LAMA1: variants seen among roughly 807,000 people sequenced by gnomAD.
LAMA1 encodes the protein laminin subunit alpha 1, also known as laminin subunit alpha-1.
LAMA1 carries 219 observed loss-of-function variants against 348.7 expected under a neutral mutation model. The ratio of observed to expected loss-of-function variants is 0.63; its 90% CI spans 0.56 to 0.70. The LOEUF is 0.70. Among genes scored for constraint, LAMA1 ranks in the 30% least tolerant of loss-of-function variants. The probability of loss-of-function intolerance (pLI) is 0.00; values close to 1 mark genes in which losing one functional copy is unlikely to be tolerated. For synonymous variants in LAMA1, 1,487 were observed against 1,491.0 expected (o/e 1.00, Z 0.06); for missense variants, 3,744 against 3,888.0 (o/e 0.96, Z 0.99).
chr18:7,069,317 C>T (rs1598304664), intron 3 of LAMA1, among the ~76,000 whole-genome samples: 1 of 152,194 alleles, frequency 6.6e-6, no homozygotes, highest in Non-Finnish European at 1.5e-5. Flanking sequence ...ATGTGCATTC[C>T]TGTTTGGTTC....
At position 6,978,397 on chromosome 18, in the gene LAMA1, A is replaced by G; in HGVS notation, c.6008-19T>C. The G allele has an allele frequency of 1.2e-6, 2 of 1,608,470 alleles. No individual in the cohort carries two copies. ...CTTATACCTAAAATAAATGTATATA[A>G]AAGCATGCACTTCTGGTGCTTACAC... On this transcript the variant is annotated intron_variant, in intron 42 of 62. Transcript: ENST00000389658.
intron 56 of LAMA1, chr18:6,956,064 C>T: frequency 3.4e-6 from 1 of 296,666 alleles, no homozygotes; most frequent in Non-Finnish European, 6.5e-6. Flanking sequence ...GCAGATGCTA[C>T]CATGAAAACT....
chr18:6,965,086 A>G (rs1258689559), intron 50 of LAMA1, among the ~76,000 whole-genome samples: 1 of 152,210 alleles, frequency 6.6e-6, no homozygotes, highest in Non-Finnish European at 1.5e-5. Flanking sequence ...CACACTTGGA[A>G]ATCACAGGCA....
At chr18:7,108,640 C>CAAAAAAAAAAAAAAAAAAAAAAAAAAAA in intron 1 of LAMA1, among the ~76,000 whole-genome samples, 1 of 40,222 alleles carries the variant, frequency 2.5e-5, no homozygotes, top group Non-Finnish European at 4.2e-5. Flanking sequence ...GACTCTGTCT[C>CAAAAAAAAAAAAAAAAAAAAAAAAAAAA]AAAAAAAAAA....
intron 16 of LAMA1, among the ~76,000 whole-genome samples, chr18:7,029,975 TAG>T (rs1555656064): frequency 7.0e-6 from 1 of 143,244 alleles, no homozygotes; most frequent in Non-Finnish European, 1.5e-5. Context: ...TACAATATAT[TAG>T]AAAAAAAAAA....
At chr18:7,009,525 G>T (rs1036135293) in intron 26 of LAMA1, among the ~76,000 whole-genome samples, 159 bp from the exon 27 acceptor site, 4 of 152,066 alleles carry the variant, frequency 2.6e-5, no homozygotes, top group Admixed American at 2.0e-4. Flanking sequence ...AAACCTCCAT[G>T]GACAGGCGCA....
intron 23 of LAMA1, among the ~76,000 whole-genome samples, chr18:7,013,225 G>A (rs1330241519): frequency 6.6e-6 from 1 of 151,996 alleles, no homozygotes; most frequent in East Asian, 1.9e-4. Context: ...GCCATGATAT[G>A]TACATGAGTT....
intron 1 of LAMA1, among the ~76,000 whole-genome samples, chr18:7,101,917 G>C (rs956401306): frequency 9.2e-5 from 14 of 151,568 alleles, no homozygotes; most frequent in African/African-American, 3.4e-4. Context: ...GGGCTTAAGG[G>C]ATCTTCCTGC....
rs564346367 is a variant in LAMA1 at position 7,060,888 on chromosome 18, G to T, written c.346-9952C>A. Among the ~76,000 whole-genome samples, 165 of 152,266 alleles carry T rather than the reference G, an allele frequency of 1.1e-3. 4 individuals carry two copies. In the South Asian group the frequency reaches 0.033, roughly 30 times the overall value. On this transcript the variant is annotated intron_variant, in intron 3 of 62. Transcript: ENST00000389658. ...AAAAGTGTGCAGGCTGGGGGTGGTG[G>T]CTCATGCCTGTAATCCCAGCACTTT...
intron 60 of LAMA1, 31 bp downstream of exon 60, chr18:6,948,372 G>C (rs1371542169): frequency 6.2e-7 from 1 of 1,613,980 alleles, no homozygotes; most frequent in African/African-American, 1.3e-5. Context: ...CTCATTCGGG[G>C]ACTGCCTTCG....
At chr18:6,980,716 AC>A in intron 41 of LAMA1, 79 bp from the exon 42 acceptor site, 2 of 782,396 alleles carry the variant, frequency 2.6e-6, no homozygotes, top group Non-Finnish European at 4.5e-6. Context: ...ATCATTCTTG[AC>A]CATCGACAGA....
chr18:6,964,875 C>T, intron 50 of LAMA1, 72 bp from the exon 51 acceptor site: 1 of 1,546,510 alleles, frequency 6.5e-7, no homozygotes, highest in South Asian at 1.1e-5. Context: ...ATGCAAACTT[C>T]TGGCAACAAA....
At chr18:7,093,938 G>A (rs1598316291) in intron 1 of LAMA1, among the ~76,000 whole-genome samples, 1 of 151,876 alleles carries the variant, frequency 6.6e-6, no homozygotes, top group East Asian at 2.0e-4. Context: ...ACCATGCCCG[G>A]CTAATTTTTT....
chr18:7,016,739 A>G, intron 20 of LAMA1, 68 bp from the exon 21 acceptor site: 1 of 1,360,176 alleles, frequency 7.4e-7, no homozygotes, highest in Non-Finnish European at 1.0e-6. Context: ...TCATATTAGT[A>G]TGTTCCAGAA....
At chr18:7,022,555 G>A (rs1193991226) in intron 19 of LAMA1, among the ~76,000 whole-genome samples, 1 of 152,144 alleles carries the variant, frequency 6.6e-6, no homozygotes, top group Non-Finnish European at 1.5e-5. Context: ...ATTTATAATT[G>A]CCACTTTTGT....
At chr18:7,004,578 C>T (rs2057823760) in intron 29 of LAMA1, among the ~76,000 whole-genome samples, 1 of 152,122 alleles carries the variant, frequency 6.6e-6, no homozygotes, top group African/African-American at 2.4e-5. Flanking sequence ...TCTCAAACTC[C>T]CAGCCCCAGG....
At chr18:7,107,069 C>T (rs2058314848) in intron 1 of LAMA1, among the ~76,000 whole-genome samples, 1 of 151,960 alleles carries the variant, frequency 6.6e-6, no homozygotes, top group African/African-American at 2.4e-5. Flanking sequence ...GCAATGTCCA[C>T]TCCTATGACT....
chr18:6,979,588 C>T (rs751194247), intron 42 of LAMA1, among the ~76,000 whole-genome samples: 4 of 152,188 alleles, frequency 2.6e-5, no homozygotes, highest in Non-Finnish European at 5.9e-5. Context: ...TTGTATTACA[C>T]ATAAAAAAAT....
chr18:7,037,768 A>G lies in LAMA1; in HGVS notation c.1564-17T>C, dbSNP rs1033981520. The G allele has an allele frequency of 5.0e-6, 8 of 1,613,228 alleles. No individual in the cohort carries two copies. Among genetic ancestry groups the G allele is most frequent in the Non-Finnish European group, 6.8e-6 (8 of 1,179,284 alleles). On this transcript the variant is annotated splice_polypyrimidine_tract_variant and intron_variant, in intron 11 of 62. Transcript: ENST00000389658. ...ACTGTTTACCTTAAAAACAAATTCA[A>G]GAATTTTGAAGTATGAAATAGAACT...
Sources: gnomAD v4.1 joint callset for allele counts (sites outside exome capture counted in the v4.1 genomes callset) on GRCh38, gnomAD v4.1.1 for gene constraint, MANE v1.5 for transcripts, NCBI Gene and HGNC (gene_info 2026-07-23, HGNC 2026-07-21) for gene names.